The following EXOSC10 variants were observed in gnomAD, a reference collection of about 807,000 sequenced individuals.
The protein encoded by EXOSC10 is exosome component 10.
EXOSC10 carries 94 observed loss-of-function variants against 126.6 expected under a neutral mutation model. That is an observed-to-expected ratio of 0.74 (90% CI 0.63 to 0.88). The LOEUF (loss-of-function observed/expected upper bound fraction) is 0.88, where lower values mean the gene tolerates loss of function less well. Among genes scored for constraint, EXOSC10 ranks in the 40% least tolerant of loss-of-function variants. The pLI is 0.00. For synonymous variants in EXOSC10, 395 were observed against 400.8 expected, an observed-to-expected ratio of 0.99 and a Z score of 0.17; for missense variants, 1,041 against 1,100.5, an observed-to-expected ratio of 0.95 and a Z score of 0.77.
At chr1:11,070,174 C>T (rs1430746648) in intron 21 of EXOSC10, among the ~76,000 whole-genome samples, 1 of 148,390 alleles carries the variant, frequency 6.7e-6, no homozygotes, top group Admixed American at 6.9e-5. Flanking sequence ...GAGTACAAGG[C>T]TGCAATGAGC....
intron 23 of EXOSC10, 62 bp from the exon 24 acceptor site, chr1:11,068,146 A>C: frequency 7.3e-7 from 1 of 1,371,894 alleles, no homozygotes; most frequent in Admixed American, 1.7e-5. Flanking sequence ...ACACAGAAAA[A>C]CACACCTGAG....
At chr1:11,080,712 T>C (rs765935210) in intron 12 of EXOSC10, 52 bp downstream of exon 12, 3 of 1,607,834 alleles carry the variant, frequency 1.9e-6, no homozygotes, top group African/African-American at 2.7e-5. Flanking sequence ...TTACTTGTTA[T>C]TAGATCTCCT....
intron 3 of EXOSC10, among the ~76,000 whole-genome samples, chr1:11,091,893 T>C (rs1472673581): frequency 6.6e-6 from 1 of 152,190 alleles, no homozygotes; most frequent in Non-Finnish European, 1.5e-5. Context: ...TTTCACCCGG[T>C]TGGCCAGGCT....
intron 22 of EXOSC10, among the ~76,000 whole-genome samples, 163 bp downstream of exon 22, chr1:11,069,396 G>A (rs1639321301): frequency 6.6e-6 from 1 of 152,070 alleles, no homozygotes; most frequent in South Asian, 2.1e-4. Flanking sequence ...GGCTGCAGGC[G>A]ACTGTCCACA....
At chr1:11,071,043 C>A (rs554897877) in intron 20 of EXOSC10, 70 bp from the exon 21 acceptor site, 2 of 1,456,528 alleles carry the variant, frequency 1.4e-6, no homozygotes, top group Non-Finnish European at 1.9e-6. Flanking sequence ...TCTCCATCCC[C>A]CTCCGACTTG....
chr1:11,087,369 A>C, intron 9 of EXOSC10, 79 bp downstream of exon 9: 2 of 1,543,622 alleles, frequency 1.3e-6, no homozygotes, highest in South Asian at 2.3e-5. Flanking sequence ...GTCTAGGTTG[A>C]AATAATGAAA....
chr1:11,087,602 CAGA>C lies in EXOSC10; in HGVS notation c.946-14_946-12del. 13 of 1,613,322 alleles carry C rather than the reference CAGA, an allele frequency of 8.1e-6. No individual in the cohort carries two copies. Among genetic ancestry groups the C allele is most frequent in the Non-Finnish European group, 9.3e-6 (11 of 1,179,652 alleles). ...CCTGTAAGAGTGGTGCTAAACCCCA[CAGA>C]AGGAGGGGAGAAGAGGAAAAACAAA... On this transcript the variant is annotated splice_polypyrimidine_tract_variant and intron_variant, in intron 8 of 24. Coordinates refer to ENST00000376936, the MANE Select transcript of EXOSC10 (RefSeq NM_001001998.3).
intron 22 of EXOSC10, chr1:11,068,996 C>A: frequency 2.1e-6 from 1 of 471,374 alleles, no homozygotes; most frequent in Non-Finnish European, 3.8e-6. Context: ...ATTCTGATCT[C>A]TGTGCTGGGT....
At position 11,090,574 on chromosome 1, in the gene EXOSC10, G is replaced by A; in HGVS notation, c.738C>T (p.Thr246=). The stretch of plus-strand genomic sequence containing the variant: ...CTTACATGTCTTGCTCAACCTGCTG[G>A]GTTCTCTGCTGATGGATGAAATCAG... ...ALADFIHQQR[T]QQVEQDMFAH... is the part of the protein sequence containing the mutation. Residue 246 remains threonine (T), a synonymous_variant, in exon 6 of 25, where the codon ACC becomes ACT. Transcript: ENST00000376936. 1 of 1,614,054 alleles carries A rather than the reference G, an allele frequency of 6.2e-7. No homozygotes were observed. Among genetic ancestry groups the A allele is most frequent in the Non-Finnish European group, 8.5e-7 (1 of 1,179,962 alleles).
At chr1:11,095,655 A>G in intron 3 of EXOSC10, 103 bp downstream of exon 3, 1 of 1,047,128 alleles carries the variant, frequency 9.5e-7, no homozygotes, top group Non-Finnish European at 1.4e-6. Context: ...CAGAGCTTGC[A>G]GTGAGTCGAG....
chr1:11,077,293 G>T, intron 16 of EXOSC10, 72 bp downstream of exon 16: 1 of 1,502,242 alleles, frequency 6.7e-7, no homozygotes, highest in Non-Finnish European at 9.1e-7. Context: ...GCCCGGCCAA[G>T]CCTACAGAAT....
intron 20 of EXOSC10, 98 bp from the exon 21 acceptor site, chr1:11,071,071 G>C: frequency 1.9e-6 from 2 of 1,054,816 alleles, no homozygotes; most frequent in Non-Finnish European, 2.8e-6. Context: ...CACAGGGGTT[G>C]TCACGGCTGA....
intron 17 of EXOSC10, among the ~76,000 whole-genome samples, chr1:11,074,627 G>A (rs1260359983): frequency 6.6e-6 from 1 of 152,078 alleles, no homozygotes; most frequent in Non-Finnish European, 1.5e-5. Context: ...TGGCCAGGCT[G>A]GTCTTGAACT....
At position 11,074,042 on chromosome 1, in the gene EXOSC10, C is replaced by T. The variant is rs752874244; in HGVS notation, c.2083-34G>A. On this transcript the variant is annotated intron_variant, in intron 18 of 24. Coordinates refer to ENST00000376936, the MANE Select transcript of EXOSC10 (RefSeq NM_001001998.3). ...AGGAAATGGCTGTGTGAAACGCTGCCGGGAACGGAATCTAGAGCCACGGGG... is the reference window on the plus strand; with the variant it reads ...AGGAAATGGCTGTGTGAAACGCTGCTGGGAACGGAATCTAGAGCCACGGGG... The T allele has an allele frequency of 6.2e-6, 10 of 1,601,888 alleles. No homozygotes were observed. In the East Asian group the frequency reaches 6.7e-5, roughly 11 times the overall value.
At chr1:11,096,010 G>A (rs1345595553) in intron 2 of EXOSC10, 129 bp from the exon 3 acceptor site, 14 of 1,012,052 alleles carry the variant, frequency 1.4e-5, no homozygotes, top group Non-Finnish European at 1.7e-5. Flanking sequence ...TTTTGAGACA[G>A]TCTTGCTCTG....
intron 9 of EXOSC10, among the ~76,000 whole-genome samples, chr1:11,083,911 A>C (rs1230593849): frequency 6.6e-6 from 1 of 152,128 alleles, no homozygotes; most frequent in African/African-American, 2.4e-5. Flanking sequence ...GTTTACTGAG[A>C]ATGATGATTT....
At chr1:11,084,029 G>T (rs1276149904) in intron 9 of EXOSC10, among the ~76,000 whole-genome samples, 1 of 152,124 alleles carries the variant, frequency 6.6e-6, no homozygotes, top group Non-Finnish European at 1.5e-5. Context: ...GTCTATCATT[G>T]TTGGACATTT....
rs1639799684 is a variant in EXOSC10 at position 11,076,071 on chromosome 1, A to AG, written c.1986+770dup. Among the ~76,000 whole-genome samples, 8 of 152,194 alleles carry AG rather than the reference A, an allele frequency of 5.3e-5. No homozygotes were observed. In the South Asian group the frequency reaches 1.7e-3, roughly 32 times the overall value. The stretch of plus-strand genomic sequence containing the variant: ...TCCCAGCTACTAGGGAAGCTGAGGC[A>AG]GGAGAATCGCTTGAACCTGGGAGGT... On this transcript the variant is annotated intron_variant, in intron 17 of 24. Coordinates refer to ENST00000376936, the MANE Select transcript of EXOSC10 (RefSeq NM_001001998.3).
intron 9 of EXOSC10, 146 bp from the exon 10 acceptor site, chr1:11,083,024 C>A: frequency 1.5e-6 from 1 of 671,776 alleles, no homozygotes; most frequent in Non-Finnish European, 2.5e-6. Context: ...GATCTTGGCT[C>A]ACTGCAACTT....
Sources: gnomAD v4.1 joint callset for allele counts (sites outside exome capture counted in the v4.1 genomes callset) on GRCh38, gnomAD v4.1.1 for gene constraint, MANE v1.5 for transcripts, NCBI Gene and HGNC (gene_info 2026-07-23, HGNC 2026-07-21) for gene names.